Variants in GYS2 observed in about 807,000 individuals in gnomAD.
GYS2 encodes glycogen synthase 2.
A neutral mutation model predicts 85.6 loss-of-function variants in GYS2; 80 were observed. The ratio of observed to expected loss-of-function variants is 0.93; its 90% CI spans 0.78 to 1.13. The LOEUF is 1.13. Among genes scored for constraint, GYS2 ranks in the 50% most tolerant of loss-of-function variants. The pLI is 0.00. For missense variants in GYS2, 881 were observed against 854.9 expected (o/e 1.03, Z -0.38); for synonymous variants, 328 against 300.7 (o/e 1.09, Z -0.94).
In GYS2 at chr12:21,569,008, A is replaced by G. The variant is rs1401684592; in HGVS notation, c.680T>C (p.Phe227Ser). 5 of 1,613,976 alleles carry G rather than the reference A, an allele frequency of 3.1e-6. No homozygotes were observed. Among genetic ancestry groups the G allele is most frequent in the Non-Finnish European group, 4.2e-6 (5 of 1,179,950 alleles). Residue 227 changes from phenylalanine to serine, a missense_variant and splice_region_variant, in exon 5 of 16, where the codon TTT (phenylalanine) becomes TCT (serine). Physicochemically the swap from Phe to Ser is radical, Grantham distance 155. Transcript: ENST00000261195. ...NIDFYNHLDK[F>S]NIDKEAGERQ... ...TTCCCCAGCCTCTTTGTCAATGTTA[A>G]ACTGTTAGAAACAAAAATAAAACAC...
chr12:21,587,753 T>C (rs1490679594), intron 1 of GYS2, among the ~76,000 whole-genome samples: 3 of 152,202 alleles, frequency 2.0e-5, no homozygotes, highest in African/African-American at 4.8e-5. Flanking sequence ...TTAGATCTGA[T>C]TGAAAAGGCA....
At chr12:21,575,491 T>A (rs1286708544) in intron 3 of GYS2, among the ~76,000 whole-genome samples, 1 of 152,118 alleles carries the variant, frequency 6.6e-6, no homozygotes, top group Non-Finnish European at 1.5e-5. Flanking sequence ...GTAGTGTACA[T>A]CAGGATCACC....
chr12:21,564,765 C>T (rs1227005493), intron 5 of GYS2, among the ~76,000 whole-genome samples: 1 of 152,098 alleles, frequency 6.6e-6, no homozygotes, highest in Non-Finnish European at 1.5e-5. Flanking sequence ...GTGCCAGGCC[C>T]TATTATATTT....
chr12:21,575,377 G>A (rs1944433070), intron 3 of GYS2, among the ~76,000 whole-genome samples: 1 of 152,142 alleles, frequency 6.6e-6, no homozygotes, highest in Admixed American at 6.5e-5. Context: ...CACAATGAGA[G>A]TTCATTTCCT....
intron 12 of GYS2, among the ~76,000 whole-genome samples, 200 bp downstream of exon 12, chr12:21,546,144 A>G (rs1449519540): frequency 6.6e-6 from 1 of 152,174 alleles, no homozygotes; most frequent in Non-Finnish European, 1.5e-5. Flanking sequence ...GTATACTTAT[A>G]TAATCTTCAT....
chr12:21,563,466 C>A, intron 5 of GYS2, 121 bp from the exon 6 acceptor site: 1 of 637,202 alleles, frequency 1.6e-6, no homozygotes, highest in South Asian at 1.9e-5. Context: ...TTCTGACTAC[C>A]ATAAAATTTA....
chr12:21,568,904 T>C lies in GYS2; in HGVS notation c.784A>G (p.Thr262Ala), dbSNP rs1312426146. The change falls in exon 5 of 16, where the codon ACA (threonine) becomes GCA (alanine). Residue 262 changes from threonine to alanine, a missense_variant. Physicochemically the swap from Thr to Ala is moderately conservative, Grantham distance 58. Transcript: ENST00000261195. ...AGCATATGTTCAGCTTCTATTGCTG[T>C]TATTTCAGAAACCGTGGTGAACACG... ...AHVFTTVSEI[T>A]AIEAEHMLKR... 6.2e-7 allele frequency: 1 copy of C among 1,613,654 alleles called. No homozygotes were observed. Among genetic ancestry groups the C allele is most frequent in the Non-Finnish European group, 8.5e-7 (1 of 1,179,530 alleles).
In GYS2 at chr12:21,574,307, C is replaced by T; in HGVS notation, c.515G>A (p.Gly172Asp). 2 of 1,613,534 alleles carry T rather than the reference C, an allele frequency of 1.2e-6. No homozygotes were observed. The highest frequency in any genetic ancestry group is 1.7e-6 in the Non-Finnish European group (2 of 1,179,552). ...FLKEVTDHADGKYVVAQFHEW... is the reference protein window; with the variant it reads ...FLKEVTDHADDKYVVAQFHEW... Reference sequence around the variant, plus strand: ...ATGGAATTGGGCAACGACATATTTACCATCTGCATGATCTGTCACCTACAT... The same window carrying T: ...ATGGAATTGGGCAACGACATATTTATCATCTGCATGATCTGTCACCTACAT... The change falls in exon 4 of 16, where the codon GGT becomes GAT. Residue 172 changes from glycine (G) to aspartate (D), a missense_variant. Gly to Asp is a moderately conservative substitution (Grantham distance 94, BLOSUM62 -1). Transcript: ENST00000261195.
rs1197384808 is a variant in GYS2, at chr12:21,604,523, G to T, written c.70C>A (p.Pro24Thr). Residue 24 changes from proline to threonine, a missense_variant, in exon 1 of 16, where the codon CCT becomes ACT. Physicochemically the swap from Pro to Thr is conservative, Grantham distance 38. Transcript: ENST00000261195. ...TCAAAGAGCAGTAACTCCTCCACAG[G>T]AAGTTCTTCGACTTCCCACTGGGGA... ...GLPQWEVEEL[P>T]VEELLLFEVA... The T allele has an allele frequency of 6.2e-7, 1 of 1,612,798 alleles. No homozygotes were observed. Among genetic ancestry groups the T allele is most frequent in the African/African-American group, 1.3e-5 (1 of 74,962 alleles).
chr12:21,544,651 T>C (rs1467496859), intron 12 of GYS2, among the ~76,000 whole-genome samples: 1 of 152,198 alleles, frequency 6.6e-6, no homozygotes. Context: ...TTGCAAGCAA[T>C]TTGAGATATT....
rs768315305 is a variant in GYS2 at position 21,569,483 on chromosome 12, G to A, written c.679-474C>T. 9.9e-5 allele frequency among the ~76,000 whole-genome samples: 15 copies of A among 152,220 alleles called. No homozygotes were observed. The South Asian group carries it at 2.9e-3, about 29-fold the overall frequency. On this transcript the variant is annotated intron_variant, in intron 4 of 15. Coordinates refer to ENST00000261195, the MANE Select transcript of GYS2 (RefSeq NM_021957.4). ...GAACCTGAAAAAGAGAAAGACAAAC[G>A]CTTTTCCTTGGTTATAGAACTTCCC...
intron 1 of GYS2, among the ~76,000 whole-genome samples, chr12:21,588,125 G>A (rs553767692): frequency 6.0e-4 from 91 of 152,320 alleles, no homozygotes; most frequent in African/African-American, 2.1e-3. Context: ...AATCCTGGAG[G>A]TAATAAGATC....
At chr12:21,585,248 G>A (rs7137552) in intron 1 of GYS2, among the ~76,000 whole-genome samples, 26,020 of 151,964 alleles carry the variant, frequency 0.17, 2,351 homozygotes, top group Middle Eastern at 0.21. Flanking sequence ...GAACACTGCC[G>A]CCAGGTGACA....
intron 4 of GYS2, among the ~76,000 whole-genome samples, chr12:21,572,691 T>C (rs117301190): frequency 0.01 from 1,592 of 152,312 alleles, 11 homozygotes; most frequent in Middle Eastern, 0.02. Context: ...AAAGACAGTA[T>C]GAAAAATACT....
At chr12:21,594,341 A>G (rs1264164600) in intron 1 of GYS2, among the ~76,000 whole-genome samples, 1 of 152,178 alleles carries the variant, frequency 6.6e-6, no homozygotes, top group African/African-American at 2.4e-5. Context: ...ACATGATTTT[A>G]TACCTAGAAA....
rs1272944858 is a variant in GYS2 at position 21,568,917 on chromosome 12, C to T, written c.771G>A (p.Thr257=). ...ASVHCAHVFT[T]VSEITAIEAE... is the part of the protein sequence containing the mutation. ...CTTCTATTGCTGTTATTTCAGAAACCGTGGTGAACACGTGAGCGCAATGAA... is the reference window on the plus strand; with the variant it reads ...CTTCTATTGCTGTTATTTCAGAAACTGTGGTGAACACGTGAGCGCAATGAA... The change falls in exon 5 of 16, where the codon ACG becomes ACA. Residue 257 remains threonine, a synonymous_variant. Coordinates refer to ENST00000261195, the MANE Select transcript of GYS2 (RefSeq NM_021957.4). The T allele has an allele frequency of 3.1e-6, 5 of 1,613,588 alleles. No homozygotes were observed. Among genetic ancestry groups the T allele is most frequent in the Admixed American group, 1.7e-5 (1 of 60,022 alleles).
chr12:21,541,333 A>G (rs1425063982), intron 13 of GYS2, among the ~76,000 whole-genome samples: 2 of 151,104 alleles, frequency 1.3e-5, no homozygotes, highest in East Asian at 3.9e-4. Context: ...CAGACAATAT[A>G]TCCCATTTTA....
At chr12:21,588,316 A>G (rs946572345) in intron 1 of GYS2, among the ~76,000 whole-genome samples, 10 of 152,244 alleles carry the variant, frequency 6.6e-5, no homozygotes, top group African/African-American at 1.9e-4. Flanking sequence ...AATCTTATCA[A>G]TAGTCACAAT....
chr12:21,553,155 T>TC (rs996618628), intron 11 of GYS2, among the ~76,000 whole-genome samples: 1 of 152,038 alleles, frequency 6.6e-6, no homozygotes, highest in East Asian at 1.9e-4. Flanking sequence ...CCTCAAGTGA[T>TC]CCCCCCGCCT....
Sources: gnomAD v4.1 joint callset for allele counts (sites outside exome capture counted in the v4.1 genomes callset) on GRCh38, gnomAD v4.1.1 for gene constraint, MANE v1.5 for transcripts, NCBI Gene and HGNC (gene_info 2026-07-23, HGNC 2026-07-21) for gene names.